Variants in NTN1 observed in about 807,000 individuals in gnomAD.
NTN1 encodes netrin 1.
In NTN1, 11 loss-of-function variants were observed where a neutral mutation model predicts 54.2. The ratio of observed to expected loss-of-function variants is 0.20; its 90% CI spans 0.13 to 0.34. The LOEUF (loss-of-function observed/expected upper bound fraction) is 0.34. Among genes scored for constraint, NTN1 ranks in the 10% least tolerant of loss-of-function variants. The probability of loss-of-function intolerance (pLI) is 1.00; values close to 1 mark genes in which losing one functional copy is unlikely to be tolerated. For missense variants in NTN1, 740 were observed against 893.1 expected, an observed-to-expected ratio of 0.83 and a Z score of 2.18; for synonymous variants, 371 against 382.0, an observed-to-expected ratio of 0.97 and a Z score of 0.33.
chr17:9,179,764 C>T (rs9907119), intron 3 of NTN1, 43 bp from the exon 4 acceptor site: 591,552 of 1,590,290 alleles, frequency 0.37, 113,225 homozygotes, highest in Middle Eastern at 0.47. Context: ...ATGCACTGGC[C>T]GCTTCCCCCT....
chr17:9,033,500 A>G (rs955353414), intron 2 of NTN1, among the ~76,000 whole-genome samples: 21 of 152,350 alleles, frequency 1.4e-4, no homozygotes, highest in African/African-American at 4.1e-4. Flanking sequence ...GGCCAGGCAC[A>G]GCAGCTCACA....
chr17:9,006,016 G>A, the NTN1 span, among the ~76,000 whole-genome samples: 4 of 152,248 alleles, frequency 2.6e-5, no homozygotes, highest in African/African-American at 9.6e-5. Flanking sequence ...GGGGACCCAT[G>A]CCAGCAATAA....
At chr17:9,086,671 C>T (rs921759261) in intron 2 of NTN1, among the ~76,000 whole-genome samples, 11 of 152,180 alleles carry the variant, frequency 7.2e-5, no homozygotes, top group Admixed American at 4.6e-4. Flanking sequence ...ACCATCATCA[C>T]CATTGATGTC....
chr17:9,163,283 G>A (rs1209133715), intron 3 of NTN1, among the ~76,000 whole-genome samples: 1 of 151,862 alleles, frequency 6.6e-6, no homozygotes, highest in Admixed American at 6.6e-5. Context: ...CTACAAGGGT[G>A]CAGGGCTGCG....
At chr17:9,125,695 T>C (rs1011754311) in intron 2 of NTN1, among the ~76,000 whole-genome samples, 4 of 152,040 alleles carry the variant, frequency 2.6e-5, no homozygotes, top group African/African-American at 9.7e-5. Flanking sequence ...AGCTTCAAAC[T>C]CCTGGGCTGA....
chr17:9,226,629 A>G (rs1233204092), intron 6 of NTN1, among the ~76,000 whole-genome samples: 1 of 152,024 alleles, frequency 6.6e-6, no homozygotes, highest in African/African-American at 2.4e-5. Flanking sequence ...GTTCTTACAA[A>G]TGCTTGGAGG....
upstream of NTN1, among the ~76,000 whole-genome samples, chr17:9,017,282 T>C (rs4791330): frequency 0.3 from 45,152 of 151,882 alleles, 6,857 homozygotes; most frequent in South Asian, 0.42. Flanking sequence ...CACCTGCTAT[T>C]TCCACTTTCT....
intron 2 of NTN1, among the ~76,000 whole-genome samples, chr17:9,058,632 G>C (rs1386067532): frequency 1.2e-5 from 1 of 85,702 alleles, no homozygotes; most frequent in East Asian, 3.4e-4. Context: ...CCCATGGTAG[G>C]CACTCAAAAA....
chr17:9,203,196 C>T (rs1904861067), intron 5 of NTN1, among the ~76,000 whole-genome samples: 1 of 152,160 alleles, frequency 6.6e-6, no homozygotes, highest in African/African-American at 2.4e-5. Context: ...GCTGGGATTA[C>T]AGGTGTGAGC....
chr17:9,229,821 C>T (rs1446406617), intron 6 of NTN1, among the ~76,000 whole-genome samples: 1 of 152,028 alleles, frequency 6.6e-6, no homozygotes, highest in Non-Finnish European at 1.5e-5. Flanking sequence ...AGGGGGGAGA[C>T]CTAGTTGGCA....
chr17:9,023,428 G>A, intron 2 of NTN1, 37 bp downstream of exon 2: 1 of 1,344,140 alleles, frequency 7.4e-7, no homozygotes, highest in Non-Finnish European at 9.5e-7. Flanking sequence ...GCGGCGGGTG[G>A]GGCCGCGGGC....
rs568689981 is a variant in NTN1 at position 9,081,618 on chromosome 17, G to A, written c.1018+58227G>A. ...CTACCTTTCATCACAACAGGTTAAC[G>A]AGGAAGCCGACTGCTGTCGCAGAGA... On this transcript the variant is annotated intron_variant, in intron 2 of 6. Transcript: ENST00000173229. 7.2e-5 allele frequency among the ~76,000 whole-genome samples: 11 copies of A among 152,256 alleles called. No homozygotes were observed. In the East Asian group the frequency reaches 7.7e-4, roughly 11 times the overall value.
At chr17:9,152,746 C>A (rs1239201760) in intron 2 of NTN1, among the ~76,000 whole-genome samples, 1 of 152,208 alleles carries the variant, frequency 6.6e-6, no homozygotes, top group African/African-American at 2.4e-5. Context: ...ATGAGTTAGA[C>A]TTTTAGGGCC....
At chr17:9,021,183 C>T (rs897031805), upstream of NTN1, among the ~76,000 whole-genome samples, 1 of 150,468 alleles carries the variant, frequency 6.6e-6, no homozygotes, top group African/African-American at 2.4e-5. Context: ...TGAGGCTCTC[C>T]GGGCGGCGCG....
chr17:9,136,648 C>T (rs1011459664), intron 2 of NTN1, among the ~76,000 whole-genome samples: 46 of 152,170 alleles, frequency 3.0e-4, no homozygotes, highest in Admixed American at 4.6e-4. Flanking sequence ...GTGCCAGCTC[C>T]TAGCTTTATC....
chr17:9,228,820 C>CTG (rs10641432), intron 6 of NTN1, among the ~76,000 whole-genome samples: 8,698 of 141,172 alleles, frequency 0.062, 302 homozygotes, highest in Middle Eastern at 0.093. Context: ...ATCTGTTCAG[C>CTG]TGTGTGTGTG....
chr17:9,048,948 G>T (rs150997756), intron 2 of NTN1, among the ~76,000 whole-genome samples: 1 of 152,118 alleles, frequency 6.6e-6, no homozygotes, highest in Non-Finnish European at 1.5e-5. Context: ...GAGCCACCGC[G>T]CCCGGCGGAA....
At chr17:9,149,154 G>T (rs2092320998) in intron 2 of NTN1, among the ~76,000 whole-genome samples, 1 of 152,114 alleles carries the variant, frequency 6.6e-6, no homozygotes, top group African/African-American at 2.4e-5. Context: ...CCAGGAGCCA[G>T]GCTTGGCCGG....
chr17:9,194,099 G>A (rs1361377752), intron 5 of NTN1, among the ~76,000 whole-genome samples: 1 of 151,788 alleles, frequency 6.6e-6, no homozygotes, highest in Non-Finnish European at 1.5e-5. Flanking sequence ...AGCTGGACAT[G>A]GTGGCAGGCA....
Sources: allele counts gnomAD v4.1 joint callset (sites outside exome capture counted in the v4.1 genomes callset), GRCh38; gene constraint gnomAD v4.1.1; transcripts MANE v1.5; gene names NCBI Gene and HGNC (gene_info 2026-07-23, HGNC 2026-07-21).